FANCA: variants seen among roughly 807,000 people sequenced by gnomAD.
FANCA encodes Fanconi anemia group A protein.
A neutral mutation model predicts 194.3 loss-of-function variants in FANCA; 236 were observed. The ratio of observed to expected loss-of-function variants is 1.21; its 90% CI spans 1.09 to 1.35. The LOEUF is 1.35. Ranked by LOEUF, FANCA falls within the 40% of genes most tolerant of loss-of-function variation. The probability of loss-of-function intolerance (pLI) is 0.00; values close to 1 mark genes in which losing one functional copy is unlikely to be tolerated. For missense variants in FANCA, 2,628 were observed against 1,813.9 expected, an observed-to-expected ratio of 1.45 and a Z score of -8.15; for synonymous variants, 1,014 against 715.8, an observed-to-expected ratio of 1.42 and a Z score of -6.65.
chr16:89,776,688 G>A (rs934341817), intron 20 of FANCA, among the ~76,000 whole-genome samples: 33 of 151,712 alleles, frequency 2.2e-4, no homozygotes, highest in Admixed American at 1.4e-3. Flanking sequence ...AAAATTAGCC[G>A]GGCGTGGTGG....
chr16:89,759,853 C>T (rs532942472), intron 29 of FANCA, among the ~76,000 whole-genome samples: 1 of 152,224 alleles, frequency 6.6e-6, no homozygotes, highest in Non-Finnish European at 1.5e-5. Context: ...CTCCACACGA[C>T]CCTGCAAATG....
chr16:89,803,569 T>G (rs1419693573), intron 7 of FANCA, among the ~76,000 whole-genome samples: 2 of 152,140 alleles, frequency 1.3e-5, no homozygotes, highest in East Asian at 3.8e-4. Flanking sequence ...TGAACCAGAT[T>G]TTTTCCTCTT....
At chr16:89,749,061 C>G (rs2038490329) in intron 32 of FANCA, among the ~76,000 whole-genome samples, 2 of 152,230 alleles carry the variant, frequency 1.3e-5, no homozygotes, top group East Asian at 1.9e-4. Context: ...GATGACGCAC[C>G]AGTCTGTCTA....
chr16:89,770,360 G>T, intron 24 of FANCA, 101 bp from the exon 25 acceptor site: 10 of 1,192,712 alleles, frequency 8.4e-6, no homozygotes, highest in Non-Finnish European at 1.1e-5. Context: ...GAGCCAAGCT[G>T]TTCCCCAAAA....
At chr16:89,781,602 G>A (rs1244583765) in intron 17 of FANCA, among the ~76,000 whole-genome samples, 2 of 151,570 alleles carry the variant, frequency 1.3e-5, no homozygotes, top group East Asian at 1.9e-4. Flanking sequence ...TGTGAACCCG[G>A]GAGGCGGAGC....
At chr16:89,760,653 T>C (rs958449361) in intron 29 of FANCA, among the ~76,000 whole-genome samples, 2 of 152,102 alleles carry the variant, frequency 1.3e-5, no homozygotes, top group South Asian at 4.1e-4. Context: ...ATCTGGCCTC[T>C]CAAATAGTCT....
intron 29 of FANCA, among the ~76,000 whole-genome samples, chr16:89,759,318 T>TTAAAAAAA (rs1224981781): frequency 0.024 from 1,769 of 75,206 alleles, 418 homozygotes; most frequent in Middle Eastern, 0.068. Flanking sequence ...AGACTCCGTC[T>TTAAAAAAA]AAAAAAAAAA....
At chr16:89,813,131 C>G (rs2143700601) in intron 3 of FANCA, among the ~76,000 whole-genome samples, 1 of 151,894 alleles carries the variant, frequency 6.6e-6, no homozygotes, top group East Asian at 1.9e-4. Flanking sequence ...GAAAAGTAGA[C>G]AGATGGGGCA....
intron 3 of FANCA, among the ~76,000 whole-genome samples, chr16:89,812,361 T>C (rs371684418): frequency 6.3e-4 from 93 of 146,684 alleles, no homozygotes; most frequent in Non-Finnish European, 1.1e-3. Context: ...AAAAAAAAAC[T>C]GGAGGCCAGG....
rs1355903919 is a variant in FANCA, at chr16:89,779,974, G to A, written c.1627-17C>T. 5 of 1,611,022 alleles carry A rather than the reference G, an allele frequency of 3.1e-6. No homozygotes were observed. The highest frequency in any genetic ancestry group is 4.2e-6 in the Non-Finnish European group (5 of 1,177,160). The stretch of plus-strand genomic sequence containing the variant: ...GCTGTGGGGCTGGTTCCCATACAGG[G>A]AGGAAAGGAAAAAGAACAGAGGACT... On this transcript the variant is annotated splice_polypyrimidine_tract_variant and intron_variant, in intron 17 of 42. Coordinates refer to ENST00000389301, the MANE Select transcript of FANCA (RefSeq NM_000135.4).
At position 89,767,196 on chromosome 16, in the gene FANCA, G is replaced by C; in HGVS notation, c.2546C>G (p.Ser849Cys). ...GCACAAAGTATCTCGTGACTGGGAA[G>C]AAAACTTGCAGAGAGAGTAAGAAAT... ...AAISYSLCKF[S>C]SQSRDTLCSC... The change falls in exon 27 of 43, where the codon TCT (serine) becomes TGT (cysteine). Residue 849 changes from serine to cysteine, a missense_variant. By Grantham distance (112) the Ser-to-Cys change is moderately radical. Transcript: ENST00000389301. The C allele has an allele frequency of 2.5e-6, 4 of 1,613,908 alleles. No homozygotes were observed. The highest frequency in any genetic ancestry group is 3.4e-6 in the Non-Finnish European group (4 of 1,179,830).
At chr16:89,786,228 G>C (rs1399819443) in intron 14 of FANCA, among the ~76,000 whole-genome samples, 1 of 151,894 alleles carries the variant, frequency 6.6e-6, no homozygotes, top group Non-Finnish European at 1.5e-5. Context: ...CTGTCACCCA[G>C]GCTGGAGCGC....
At chr16:89,759,083 G>A (rs2038856616) in intron 29 of FANCA, among the ~76,000 whole-genome samples, 1 of 152,058 alleles carries the variant, frequency 6.6e-6, no homozygotes, top group South Asian at 2.1e-4. Flanking sequence ...CACTTTGGGA[G>A]GCTCAGGCGG....
rs1273033777 is a variant in FANCA, at chr16:89,814,606, CCTT to C, written c.194_196del (p.Glu65del). ...GAGAGACAATTTTTTACACAGTGGA[CCTT>C]CTACCTAGAATCCAAAACACAACAA... On this transcript the variant is annotated inframe_deletion, in exon 3 of 43. Coordinates refer to ENST00000389301, the MANE Select transcript of FANCA (RefSeq NM_000135.4). 2 of 1,612,534 alleles carry C rather than the reference CCTT, an allele frequency of 1.2e-6. No homozygotes were observed. The highest frequency in any genetic ancestry group is 4.5e-5 in the East Asian group (2 of 44,876).
At chr16:89,771,451 C>T (rs943473336) in intron 23 of FANCA, among the ~76,000 whole-genome samples, 1 of 152,020 alleles carries the variant, frequency 6.6e-6, no homozygotes, top group Admixed American at 6.6e-5. Context: ...AAAGCAAGAC[C>T]CTGTCTCCAA....
intron 8 of FANCA, 75 bp downstream of exon 8, chr16:89,803,182 GAC>G: frequency 3.0e-6 from 4 of 1,333,350 alleles, no homozygotes; most frequent in Non-Finnish European, 4.3e-6. Context: ...TCAATAGAGA[GAC>G]ACGTAAATAC....
intron 30 of FANCA, among the ~76,000 whole-genome samples, chr16:89,754,237 AAAC>A: frequency 8.3e-6 from 1 of 120,008 alleles, no homozygotes; most frequent in African/African-American, 3.6e-5. Flanking sequence ...AAAAAAAACA[AAAC>A]AAAACAACAA....
At chr16:89,776,031 A>C (rs2039489755) in intron 20 of FANCA, among the ~76,000 whole-genome samples, 1 of 151,778 alleles carries the variant, frequency 6.6e-6, no homozygotes, top group African/African-American at 2.4e-5. Context: ...TCATATATTA[A>C]TATCTAAGGA....
At chr16:89,796,941 A>C (rs1274182840) in intron 10 of FANCA, among the ~76,000 whole-genome samples, 1 of 152,048 alleles carries the variant, frequency 6.6e-6, no homozygotes, top group Non-Finnish European at 1.5e-5. Flanking sequence ...GGCAGATGAC[A>C]AGGTCAGGAG....
Sources: allele counts gnomAD v4.1 joint callset (sites outside exome capture counted in the v4.1 genomes callset), GRCh38; gene constraint gnomAD v4.1.1; transcripts MANE v1.5; gene names NCBI Gene and HGNC (gene_info 2026-07-23, HGNC 2026-07-21).